The following RUNDC3B variants were observed in gnomAD, a reference collection of about 807,000 sequenced individuals.
RUNDC3B encodes the protein RUN domain containing 3B.
In RUNDC3B, 33 loss-of-function variants were observed where a neutral mutation model predicts 58.4. The observed-to-expected ratio is 0.56, with a 90% CI of 0.43 to 0.75. RUNDC3B has a LOEUF of 0.75. Among genes scored for constraint, RUNDC3B ranks in the 30% least tolerant of loss-of-function variants. The probability of loss-of-function intolerance (pLI) is 0.00; values close to 1 mark genes in which losing one functional copy is unlikely to be tolerated. For synonymous variants in RUNDC3B, 193 were observed against 195.2 expected (o/e 0.99, Z 0.10); for missense variants, 501 against 535.7 (o/e 0.94, Z 0.64).
intron 8 of RUNDC3B, among the ~76,000 whole-genome samples, chr7:87,783,322 C>A (rs1477572869): frequency 2.0e-5 from 3 of 151,978 alleles, no homozygotes; most frequent in African/African-American, 4.8e-5. Flanking sequence ...AAGAATAGGA[C>A]CCCCTGCTCT....
intron 9 of RUNDC3B, among the ~76,000 whole-genome samples, chr7:87,815,081 CT>C (rs1221160007): frequency 6.6e-6 from 1 of 151,790 alleles, no homozygotes; most frequent in Non-Finnish European, 1.5e-5. Context: ...AAAGTAAATT[CT>C]TTCCCCCCCT....
rs186576644 is a variant in RUNDC3B, at chr7:87,768,938, T to C, written c.630-1643T>C. Among the ~76,000 whole-genome samples the C allele has an allele frequency of 6.4e-3, 969 of 151,872 alleles. 5 individuals carry two copies. The highest frequency in any genetic ancestry group is 0.011 in the Admixed American group (160 of 15,234). Reference sequence around the variant, plus strand: ...TTTTTTTTTTTCAATTATGATAGAATCAGAAATCCCAAATATTTAGAAAAA... The same window carrying C: ...TTTTTTTTTTTCAATTATGATAGAACCAGAAATCCCAAATATTTAGAAAAA... On this transcript the variant is annotated intron_variant, in intron 6 of 10. Transcript: ENST00000394654.
chr7:87,714,457 A>G (rs1830364003), intron 4 of RUNDC3B, among the ~76,000 whole-genome samples: 1 of 152,190 alleles, frequency 6.6e-6, no homozygotes, highest in African/African-American at 2.4e-5. Context: ...GAAGTACAGT[A>G]CATTTGTATG....
intron 7 of RUNDC3B, among the ~76,000 whole-genome samples, chr7:87,771,465 G>A (rs1045308712): frequency 6.6e-6 from 1 of 152,034 alleles, no homozygotes; most frequent in Non-Finnish European, 1.5e-5. Flanking sequence ...CTTTTCATGC[G>A]CTATTAAAGA....
At chr7:87,812,927 G>T (rs1432437766) in intron 9 of RUNDC3B, among the ~76,000 whole-genome samples, 4 of 152,142 alleles carry the variant, frequency 2.6e-5, no homozygotes, top group Non-Finnish European at 4.4e-5. Flanking sequence ...ATGTTTGTCA[G>T]ATGGAGCTGT....
At chr7:87,731,149 T>G (rs1394821740) in intron 4 of RUNDC3B, among the ~76,000 whole-genome samples, 1 of 151,650 alleles carries the variant, frequency 6.6e-6, no homozygotes, top group African/African-American at 2.4e-5. Context: ...ACAATCAATA[T>G]CTAACTCTTC....
intron 2 of RUNDC3B, among the ~76,000 whole-genome samples, chr7:87,654,699 C>G (rs1823908223): frequency 6.6e-6 from 1 of 152,008 alleles, no homozygotes; most frequent in Non-Finnish European, 1.5e-5. Flanking sequence ...ACCACAAGCA[C>G]AGGCAACTAA....
At chr7:87,713,099 A>G (rs1030985419) in intron 4 of RUNDC3B, 40 of 152,180 alleles carry the variant, frequency 2.6e-4, no homozygotes, top group African/African-American at 9.7e-4. Flanking sequence ...AGTCAAGACA[A>G]ATATATTCAT....
At chr7:87,657,466 C>T (rs570767267) in intron 2 of RUNDC3B, among the ~76,000 whole-genome samples, 7 of 152,244 alleles carry the variant, frequency 4.6e-5, no homozygotes, top group Admixed American at 6.5e-5. Flanking sequence ...CTTAGAATTC[C>T]GCCCTCCTGA....
chr7:87,771,355 A>T (rs1157898322), intron 7 of RUNDC3B, among the ~76,000 whole-genome samples: 1 of 152,054 alleles, frequency 6.6e-6, no homozygotes, highest in African/African-American at 2.4e-5. Context: ...AATTTTATAA[A>T]TATAAATAAT....
At chr7:87,632,199 T>C (rs971122205) in intron 1 of RUNDC3B, among the ~76,000 whole-genome samples, 2 of 152,162 alleles carry the variant, frequency 1.3e-5, no homozygotes, top group African/African-American at 4.8e-5. Flanking sequence ...CCTTAAACAA[T>C]TTAGGTGTAT....
chr7:87,715,288 T>C (rs1308902865), intron 4 of RUNDC3B, among the ~76,000 whole-genome samples: 1 of 127,580 alleles, frequency 7.8e-6, no homozygotes, highest in African/African-American at 3.1e-5. Flanking sequence ...TATATATAAT[T>C]AATTTATAAT....
intron 2 of RUNDC3B, among the ~76,000 whole-genome samples, chr7:87,658,030 C>T (rs552385224): frequency 6.6e-6 from 1 of 152,180 alleles, no homozygotes; most frequent in East Asian, 1.9e-4. Context: ...ATACCAAGAA[C>T]CAGGAAGATC....
chr7:87,668,486 A>G (rs1398789494), intron 2 of RUNDC3B, among the ~76,000 whole-genome samples: 2 of 151,586 alleles, frequency 1.3e-5, no homozygotes, highest in African/African-American at 2.4e-5. Context: ...AGTTTCCTTC[A>G]GTTCAGCTCT....
At chr7:87,741,420 C>G in intron 5 of RUNDC3B, 79 bp from the exon 6 acceptor site, 1 of 813,588 alleles carries the variant, frequency 1.2e-6, no homozygotes, top group Non-Finnish European at 1.9e-6. Context: ...ACGTCTCTGG[C>G]AAGAGATTTT....
chr7:87,724,529 A>G (rs1831098373), intron 4 of RUNDC3B, among the ~76,000 whole-genome samples: 1 of 152,136 alleles, frequency 6.6e-6, no homozygotes, highest in Non-Finnish European at 1.5e-5. Flanking sequence ...TCACAGTGAA[A>G]AAAATAATCA....
At chr7:87,729,970 A>G (rs1831480836) in intron 4 of RUNDC3B, among the ~76,000 whole-genome samples, 1 of 152,182 alleles carries the variant, frequency 6.6e-6, no homozygotes. Flanking sequence ...TTCTAGACAC[A>G]GCCTGGGCCA....
At chr7:87,809,556 T>G (rs1437114140) in intron 9 of RUNDC3B, among the ~76,000 whole-genome samples, 5 of 152,162 alleles carry the variant, frequency 3.3e-5, no homozygotes, top group Non-Finnish European at 7.4e-5. Context: ...TTGCTAGCAT[T>G]TAATAGCTAG....
chr7:87,728,683 TATTTA>T (rs1831391800), intron 4 of RUNDC3B, among the ~76,000 whole-genome samples: 2 of 152,240 alleles, frequency 1.3e-5, no homozygotes, highest in South Asian at 2.1e-4. Context: ...CCATTTTAGA[TATTTA>T]ATTTAATGCC....
Sources: allele counts gnomAD v4.1 joint callset (sites outside exome capture counted in the v4.1 genomes callset), GRCh38; gene constraint gnomAD v4.1.1; transcripts MANE v1.5; gene names NCBI Gene and HGNC (gene_info 2026-07-23, HGNC 2026-07-21).